TWSG1: variants seen among roughly 807,000 people sequenced by gnomAD.
The protein encoded by TWSG1 is twisted gastrulation protein homolog 1.
Under a neutral mutation model 23.0 loss-of-function variants are expected in TWSG1, and 15 were observed. The observed-to-expected ratio is 0.65, with a 90% CI of 0.44 to 1.00. The LOEUF (loss-of-function observed/expected upper bound fraction) is 1.00, where lower values mean the gene tolerates loss of function less well. Among genes scored for constraint, TWSG1 ranks in the 50% least tolerant of loss-of-function variants. The pLI is 0.00. For synonymous variants in TWSG1, 86 were observed against 92.8 expected (o/e 0.93, Z 0.42); for missense variants, 242 against 278.7 (o/e 0.87, Z 0.94).
At chr18:9,378,448 CAGT>C (rs2040641156) in intron 3 of TWSG1, among the ~76,000 whole-genome samples, 1 of 152,162 alleles carries the variant, frequency 6.6e-6, no homozygotes, top group African/African-American at 2.4e-5. Flanking sequence ...TACAAAAAAT[CAGT>C]AGCGCTTTTA....
chr18:9,377,035 G>A (rs1035780785), intron 3 of TWSG1, among the ~76,000 whole-genome samples: 2 of 151,978 alleles, frequency 1.3e-5, no homozygotes, highest in Non-Finnish European at 2.9e-5. Flanking sequence ...GTGTAGGTAG[G>A]TTATACGCAA....
At chr18:9,365,305 G>C (rs1467409101) in intron 3 of TWSG1, among the ~76,000 whole-genome samples, 1 of 152,100 alleles carries the variant, frequency 6.6e-6, no homozygotes, top group Non-Finnish European at 1.5e-5. Flanking sequence ...CTGGGCAACA[G>C]AGTAAGACCC....
chr18:9,337,498 G>T, intron 2 of TWSG1, 146 bp downstream of exon 2: 3 of 840,348 alleles, frequency 3.6e-6, no homozygotes, highest in East Asian at 5.5e-5. Context: ...ATGACACACA[G>T]GTCTGGATTT....
intron 3 of TWSG1, among the ~76,000 whole-genome samples, chr18:9,374,387 G>A (rs1478316555): frequency 2.0e-5 from 3 of 152,082 alleles, no homozygotes; most frequent in Non-Finnish European, 4.4e-5. Flanking sequence ...GACAATAAAA[G>A]AATGCTATGA....
intron 2 of TWSG1, among the ~76,000 whole-genome samples, chr18:9,358,611 A>C (rs1054270986): frequency 6.6e-5 from 10 of 152,312 alleles, no homozygotes; most frequent in African/African-American, 2.2e-4. Flanking sequence ...CTTAAGGAGC[A>C]GGCTTCTGGG....
At chr18:9,363,173 T>C (rs1486105023) in intron 3 of TWSG1, among the ~76,000 whole-genome samples, 1 of 152,182 alleles carries the variant, frequency 6.6e-6, no homozygotes, top group Non-Finnish European at 1.5e-5. Flanking sequence ...TAGGAAACTT[T>C]CCCCTGTGGC....
chr18:9,358,376 C>T (rs2040536739), intron 2 of TWSG1, among the ~76,000 whole-genome samples: 1 of 152,126 alleles, frequency 6.6e-6, no homozygotes, highest in Non-Finnish European at 1.5e-5. Context: ...TCTTGGAAGA[C>T]AATCTGATTG....
At chr18:9,355,415 GTTA>G (rs928199453) in intron 2 of TWSG1, among the ~76,000 whole-genome samples, 13 of 151,682 alleles carry the variant, frequency 8.6e-5, no homozygotes, top group African/African-American at 2.4e-4. Flanking sequence ...CTTTACAAAT[GTTA>G]TTATATTTAG....
chr18:9,367,980 G>A (rs2040587699), intron 3 of TWSG1, among the ~76,000 whole-genome samples: 1 of 152,160 alleles, frequency 6.6e-6, no homozygotes, highest in Non-Finnish European at 1.5e-5. Flanking sequence ...ACATGAGAGT[G>A]CAAACATCTC....
intron 3 of TWSG1, among the ~76,000 whole-genome samples, chr18:9,367,287 A>G (rs944215597): frequency 1.3e-5 from 2 of 152,126 alleles, no homozygotes; most frequent in Non-Finnish European, 2.9e-5. Context: ...ATGTTGTACA[A>G]TAGAGCTCTT....
chr18:9,360,171 A>T (rs2040546048), intron 3 of TWSG1, 100 bp downstream of exon 3: 1 of 870,584 alleles, frequency 1.1e-6, no homozygotes, highest in Non-Finnish European at 1.8e-6. Flanking sequence ...GTGCATAAAC[A>T]AGTATGTGTG....
rs1391213774 is a variant in TWSG1 at position 9,400,205 on chromosome 18, G to T, written c.*678G>T. On this transcript the variant is annotated 3_prime_UTR_variant, in exon 5 of 5. Coordinates refer to ENST00000262120, the MANE Select transcript of TWSG1 (RefSeq NM_020648.6). ...TTCTCTTCCATTTCCCCTGCCCAAAGTGCTGACATAGGCAGTGATGAAGAA... is the reference window on the plus strand; with the variant it reads ...TTCTCTTCCATTTCCCCTGCCCAAATTGCTGACATAGGCAGTGATGAAGAA... 1 of 152,178 alleles carries T rather than the reference G, an allele frequency of 6.6e-6. No individual in the cohort carries two copies. Among genetic ancestry groups the T allele is most frequent in the Admixed American group, 6.5e-5 (1 of 15,274 alleles). The allele number at this position is 152,178 out of a possible 1,614,324, so 9.4% of individuals were successfully genotyped here. A position where few individuals can be genotyped will look rare whatever the true frequency, so the allele number is the denominator to read the frequency against.
intron 3 of TWSG1, among the ~76,000 whole-genome samples, chr18:9,372,448 A>C: frequency 6.7e-6 from 1 of 148,944 alleles, no homozygotes; most frequent in East Asian, 1.9e-4. Context: ...TATCTTAATA[A>C]TTTCAGATGA....
At chr18:9,338,545 T>C (rs2040432427) in intron 2 of TWSG1, among the ~76,000 whole-genome samples, 1 of 152,272 alleles carries the variant, frequency 6.6e-6, no homozygotes. Context: ...AATTCTAATA[T>C]GTATCTCTAA....
At chr18:9,379,143 A>T (rs1172927082) in intron 3 of TWSG1, among the ~76,000 whole-genome samples, 3 of 152,190 alleles carry the variant, frequency 2.0e-5, no homozygotes, top group Non-Finnish European at 4.4e-5. Context: ...AAATAGAACT[A>T]CCATTTGACC....
chr18:9,351,322 C>G (rs1270520461), intron 2 of TWSG1, among the ~76,000 whole-genome samples: 2 of 152,060 alleles, frequency 1.3e-5, no homozygotes, highest in Non-Finnish European at 2.9e-5. Context: ...ACATACTACT[C>G]TTACTATTTT....
intron 2 of TWSG1, among the ~76,000 whole-genome samples, chr18:9,356,635 A>G (rs773766543): frequency 6.6e-5 from 10 of 152,204 alleles, no homozygotes; most frequent in Non-Finnish European, 1.3e-4. Context: ...AGTTAATAAT[A>G]TAAATACAGG....
chr18:9,373,996 T>G (rs932051837), intron 3 of TWSG1, among the ~76,000 whole-genome samples: 4 of 152,212 alleles, frequency 2.6e-5, no homozygotes, highest in Non-Finnish European at 4.4e-5. Flanking sequence ...TTAAACCTTT[T>G]GTACTAAATA....
chr18:9,380,982 A>G (rs1021813018), intron 3 of TWSG1, among the ~76,000 whole-genome samples: 2 of 152,110 alleles, frequency 1.3e-5, no homozygotes, highest in Non-Finnish European at 2.9e-5. Context: ...TTCTTTTGTA[A>G]TCTGTAGTTT....
Sources: gnomAD v4.1 joint callset for allele counts (sites outside exome capture counted in the v4.1 genomes callset) on GRCh38, gnomAD v4.1.1 for gene constraint, MANE v1.5 for transcripts, NCBI Gene and HGNC (gene_info 2026-07-23, HGNC 2026-07-21) for gene names.